Variants in PKN2 observed in about 807,000 individuals in gnomAD.
PKN2 encodes the protein protein kinase N2, also known as serine/threonine-protein kinase N2.
A neutral mutation model predicts 119.1 loss-of-function variants in PKN2; 38 were observed. The ratio of observed to expected loss-of-function variants is 0.32; its 90% CI spans 0.25 to 0.42. PKN2 has a LOEUF of 0.42. PKN2 is among the 10% of genes least tolerant of loss of function. The probability of loss-of-function intolerance (pLI) is 1.00; values close to 1 mark genes in which losing one functional copy is unlikely to be tolerated. For missense variants in PKN2, 850 were observed against 1,165.1 expected (o/e 0.73, Z 3.94); for synonymous variants, 390 against 384.9 (o/e 1.01, Z -0.15).
chr1:88,796,977 T>G (rs1277812322), intron 8 of PKN2, among the ~76,000 whole-genome samples: 1 of 151,410 alleles, frequency 6.6e-6, no homozygotes, highest in Non-Finnish European at 1.5e-5. Context: ...CACACTCTAG[T>G]CAATACAGTG....
chr1:88,779,239 C>T lies in PKN2; in HGVS notation c.986-5400C>T, dbSNP rs541163802. 4.0e-3 allele frequency among the ~76,000 whole-genome samples: 607 copies of T among 152,234 alleles called. 1 individual carries two copies. Among genetic ancestry groups the T allele is most frequent in the Non-Finnish European group, 7.0e-3 (473 of 67,994 alleles). On this transcript the variant is annotated intron_variant, in intron 6 of 21. Coordinates refer to ENST00000370521, the MANE Select transcript of PKN2 (RefSeq NM_006256.4). ...TAAGTGAAAACTCCACAGAGCTCTC[C>T]GGAGTGTCCCTTGCTTTTTGGATTT... is the stretch of plus-strand genomic sequence containing the variant.
intron 15 of PKN2, among the ~76,000 whole-genome samples, chr1:88,808,442 A>T (rs1671647770): frequency 6.6e-6 from 1 of 151,934 alleles, no homozygotes; most frequent in East Asian, 1.9e-4. Flanking sequence ...AGTAGCTGGG[A>T]CTACAGACGC....
intron 1 of PKN2, among the ~76,000 whole-genome samples, chr1:88,739,418 A>G (rs1668489630): frequency 6.6e-6 from 1 of 152,222 alleles, no homozygotes; most frequent in Non-Finnish European, 1.5e-5. Flanking sequence ...CGTATCACCC[A>G]TAAGCTCACC....
In PKN2 at chr1:88,822,868, C is replaced by T. The variant is rs1040579093; in HGVS notation, c.2342+865C>T. On this transcript the variant is annotated intron_variant, in intron 17 of 21. Transcript: ENST00000370521. ...TGCTGGGATTACAGTTGTGAGCCAC[C>T]GTGCCCAGCCGGTAAGGTTCTAATG... Among the ~76,000 whole-genome samples, 20 of 151,994 alleles carry T rather than the reference C, an allele frequency of 1.3e-4. No individual in the cohort carries two copies. The South Asian group carries it at 2.1e-3, about 16-fold the overall frequency.
At chr1:88,827,611 CCCCTTCCCTT>C (rs147919849) in intron 18 of PKN2, among the ~76,000 whole-genome samples, 64,009 of 128,352 alleles carry the variant, frequency 0.5, 16,585 homozygotes, top group Middle Eastern at 0.69. Flanking sequence ...TCCCTTCCCT[CCCCTTCCCTT>C]CCCTTCCCTT....
chr1:88,783,058 C>A (rs1670417532), intron 6 of PKN2, among the ~76,000 whole-genome samples: 1 of 152,184 alleles, frequency 6.6e-6, no homozygotes, highest in Non-Finnish European at 1.5e-5. Context: ...TTCTTCAGTG[C>A]CTCATGAATT....
At position 88,697,501 on chromosome 1, in the gene PKN2, G is replaced by A. The variant is rs151189178; in HGVS notation, c.48+12873G>A. 8.9e-4 allele frequency among the ~76,000 whole-genome samples: 135 copies of A among 152,178 alleles called. 1 individual carries two copies. Among genetic ancestry groups the A allele is most frequent in the African/African-American group, 2.6e-3 (107 of 41,518 alleles). On this transcript the variant is annotated intron_variant, in intron 1 of 21. Coordinates refer to ENST00000370521, the MANE Select transcript of PKN2 (RefSeq NM_006256.4). ...TTACTTTGCCATTGTTTAAGTGTGG[G>A]CCTTCATTATCATTTGGATGATTAT...
chr1:88,715,977 G>A (rs1202162955), intron 1 of PKN2, among the ~76,000 whole-genome samples: 1 of 152,154 alleles, frequency 6.6e-6, no homozygotes, highest in Non-Finnish European at 1.5e-5. Flanking sequence ...GTGTCCCAGA[G>A]ATGCTGGTCC....
intron 6 of PKN2, among the ~76,000 whole-genome samples, chr1:88,773,765 C>G (rs1669983159): frequency 6.6e-6 from 1 of 152,006 alleles, no homozygotes; most frequent in African/African-American, 2.4e-5. Flanking sequence ...GGTGACACAG[C>G]AAGACTCCGC....
chr1:88,701,880 A>G (rs765591343), intron 1 of PKN2, among the ~76,000 whole-genome samples: 7 of 152,252 alleles, frequency 4.6e-5, no homozygotes, highest in South Asian at 2.1e-4. Context: ...GAGATGGCTC[A>G]AAGTCACACA....
chr1:88,778,881 T>A (rs1670213533), intron 6 of PKN2, among the ~76,000 whole-genome samples: 1 of 152,080 alleles, frequency 6.6e-6, no homozygotes, highest in Admixed American at 6.5e-5. Flanking sequence ...GCCTAGCTAA[T>A]TTTTTGTATT....
At chr1:88,774,397 T>A (rs1670006958) in intron 6 of PKN2, among the ~76,000 whole-genome samples, 1 of 152,068 alleles carries the variant, frequency 6.6e-6, no homozygotes, top group Admixed American at 6.6e-5. Context: ...GAAGATATGA[T>A]CATTCTTTCT....
chr1:88,809,783 A>T (rs1671705869), intron 15 of PKN2, among the ~76,000 whole-genome samples: 1 of 152,026 alleles, frequency 6.6e-6, no homozygotes, highest in Non-Finnish European at 1.5e-5. Flanking sequence ...ATCCATCTAC[A>T]TTTCTTTCCC....
At chr1:88,809,940 T>G (rs1671712835) in intron 15 of PKN2, among the ~76,000 whole-genome samples, 1 of 151,788 alleles carries the variant, frequency 6.6e-6, no homozygotes, top group African/African-American at 2.4e-5. Flanking sequence ...TTCAGTAACA[T>G]GAAAATTTAA....
At chr1:88,824,247 C>CG in intron 17 of PKN2, 63 bp from the exon 18 acceptor site, 4 of 800,408 alleles carry the variant, frequency 5.0e-6, no homozygotes, top group Non-Finnish European at 6.4e-6. Context: ...ATTTTTTTAA[C>CG]TGTATAACCT....
At chr1:88,826,196 G>A (rs536192414) in intron 18 of PKN2, among the ~76,000 whole-genome samples, 1 of 152,220 alleles carries the variant, frequency 6.6e-6, no homozygotes, top group South Asian at 2.1e-4. Flanking sequence ...TCGTTTTTAT[G>A]TTCCCGCTAC....
chr1:88,827,730 G>C (rs942908963), intron 18 of PKN2, among the ~76,000 whole-genome samples: 1 of 140,834 alleles, frequency 7.1e-6, no homozygotes, highest in African/African-American at 2.6e-5. Flanking sequence ...TTGTTTGTTT[G>C]TTTTTTGAGA....
chr1:88,762,518 G>A (rs891516999), intron 3 of PKN2, among the ~76,000 whole-genome samples: 1 of 152,000 alleles, frequency 6.6e-6, no homozygotes, highest in African/African-American at 2.4e-5. Context: ...GAAATTATGT[G>A]GAATATTAAT....
At chr1:88,827,631 T>TCCCTTCCCTC (rs1342503290) in intron 18 of PKN2, among the ~76,000 whole-genome samples, 4 of 69,754 alleles carry the variant, frequency 5.7e-5, no homozygotes, top group East Asian at 4.1e-4. Flanking sequence ...TCCCTTCCCT[T>TCCCTTCCCTC]CCCTTCCCTC....
Sources: allele counts gnomAD v4.1 joint callset (sites outside exome capture counted in the v4.1 genomes callset), GRCh38; gene constraint gnomAD v4.1.1; transcripts MANE v1.5; gene names NCBI Gene and HGNC (gene_info 2026-07-23, HGNC 2026-07-21).